The following EIF4ENIF1 variants were observed in gnomAD, a reference collection of about 807,000 sequenced individuals.
EIF4ENIF1 encodes the protein eukaryotic translation initiation factor 4E nuclear import factor 1, also known as eukaryotic translation initiation factor 4E transporter.
In EIF4ENIF1, 23 loss-of-function variants were observed where a neutral mutation model predicts 110.5. The observed-to-expected ratio is 0.21, with a 90% CI of 0.15 to 0.29. The LOEUF is 0.29. Among genes scored for constraint, EIF4ENIF1 ranks in the 10% least tolerant of loss-of-function variants. The pLI is 1.00. For synonymous variants in EIF4ENIF1, 440 were observed against 437.0 expected (o/e 1.01, Z -0.09); for missense variants, 1,031 against 1,221.1 (o/e 0.84, Z 2.32).
rs1016857144 is a variant in EIF4ENIF1, at chr22:31,449,510, G to C, written c.1606C>G (p.Gln536Glu). Residue 536 changes from glutamine to glutamate, a missense_variant, in exon 12 of 19, where the codon CAG becomes GAG. Physicochemically the swap from Gln to Glu is conservative, Grantham distance 29. This residue lies in a region of EIF4ENIF1 where 704 missense variants were observed against 879.7 expected (regional missense o/e 0.80). Coordinates refer to ENST00000330125, the MANE Select transcript of EIF4ENIF1 (RefSeq NM_019843.4). The stretch of plus-strand genomic sequence containing the variant: ...AGAAGATTGGAAGAAGCAGGTCTCT[G>C]AACTGGTTGACCCAGAAGTTCCTAA... ...ILQELLGQPV[Q>E]RPASSNLLSG... 3.1e-6 allele frequency: 5 copies of C among 1,613,500 alleles called. No homozygotes were observed. The highest frequency in any genetic ancestry group is 4.2e-6 in the Non-Finnish European group (5 of 1,179,866).
intron 16 of EIF4ENIF1, 36 bp downstream of exon 16, chr22:31,442,926 C>T (rs760258223): frequency 1.9e-6 from 3 of 1,608,372 alleles, no homozygotes; most frequent in South Asian, 2.2e-5. Context: ...CCATCACATA[C>T]TTTCTTGAGC....
chr22:31,468,419 G>C, intron 3 of EIF4ENIF1, 117 bp from the exon 4 acceptor site: 1 of 1,440,936 alleles, frequency 6.9e-7, no homozygotes. Context: ...TTTTGAGACA[G>C]GGTCTCGCTC....
upstream of EIF4ENIF1, among the ~76,000 whole-genome samples, chr22:31,492,445 C>G (rs2052293657): frequency 6.6e-6 from 1 of 152,206 alleles, no homozygotes; most frequent in African/African-American, 2.4e-5. Flanking sequence ...ATAGCTGGAA[C>G]TAATTTCCTG....
At chr22:31,442,260 A>T in intron 16 of EIF4ENIF1, 142 bp from the exon 17 acceptor site, 2 of 671,792 alleles carry the variant, frequency 3.0e-6, no homozygotes, top group South Asian at 4.0e-5. Flanking sequence ...CACGGTAGGA[A>T]CCATCGTTTG....
intron 7 of EIF4ENIF1, among the ~76,000 whole-genome samples, chr22:31,456,836 G>A (rs1210327045): frequency 6.6e-6 from 1 of 152,134 alleles, no homozygotes; most frequent in East Asian, 1.9e-4. Flanking sequence ...ATAAAGCAAA[G>A]CCTCTATGCT....
At chr22:31,440,203 G>GA (rs750276515) in intron 18 of EIF4ENIF1, 82 bp from the exon 19 acceptor site, 1 of 1,598,520 alleles carries the variant, frequency 6.3e-7, no homozygotes, top group Non-Finnish European at 8.5e-7. Flanking sequence ...CCTATCCAAA[G>GA]AAAAGTCTTT....
chr22:31,458,582 C>T lies in EIF4ENIF1; in HGVS notation c.856G>A (p.Ala286Thr). 6.2e-7 allele frequency: 1 copy of T among 1,613,802 alleles called. No homozygotes were observed. Among genetic ancestry groups the T allele is most frequent in the Non-Finnish European group, 8.5e-7 (1 of 1,179,830 alleles). Reference sequence around the variant, plus strand: ...TCCCTTGGCACTTCCTGATCAGCCGCAGGCTCCTGTGCAAGGATGACCTCC... The same window carrying T: ...TCCCTTGGCACTTCCTGATCAGCCGTAGGCTCCTGTGCAAGGATGACCTCC... ...EVEVILAQEP[A>T]ADQEVPRDAV... The change falls in exon 7 of 19, where the codon GCG (alanine) becomes ACG (threonine). Residue 286 changes from alanine (A) to threonine (T), a missense_variant. Transcript: ENST00000330125.
intron 1 of EIF4ENIF1, chr22:31,489,429 C>T (rs1168364523): frequency 6.6e-6 from 1 of 152,064 alleles, no homozygotes; most frequent in Non-Finnish European, 1.5e-5. Flanking sequence ...GAGGCCGAAT[C>T]TCCCGGCCCG....
intron 2 of EIF4ENIF1, among the ~76,000 whole-genome samples, chr22:31,478,214 G>A (rs762539861): frequency 6.6e-6 from 1 of 152,132 alleles, no homozygotes; most frequent in Non-Finnish European, 1.5e-5. Context: ...GAAACCATGA[G>A]CTAAGTCAAT....
chr22:31,464,720 ATATAT>A (rs2051127374), intron 4 of EIF4ENIF1, among the ~76,000 whole-genome samples: 5 of 109,216 alleles, frequency 4.6e-5, no homozygotes, highest in African/African-American at 1.4e-4. Flanking sequence ...ATATATATAT[ATATAT>A]AAACAGATAT....
At chr22:31,460,812 G>A (rs1223211243) in intron 6 of EIF4ENIF1, among the ~76,000 whole-genome samples, 2 of 152,020 alleles carry the variant, frequency 1.3e-5, no homozygotes, top group African/African-American at 2.4e-5. Context: ...TGGGCGTGGT[G>A]GTGGGCGCCT....
At chr22:31,446,049 G>A (rs2050463664) in intron 14 of EIF4ENIF1, among the ~76,000 whole-genome samples, 1 of 149,340 alleles carries the variant, frequency 6.7e-6, no homozygotes, top group Non-Finnish European at 1.5e-5. Context: ...CAGCACTTTG[G>A]GGACCGAAGC....
At position 31,463,357 on chromosome 22, in the gene EIF4ENIF1, C is replaced by CA. The variant is rs2051060423; in HGVS notation, c.586-225dup. On this transcript the variant is annotated intron_variant, in intron 5 of 18. Transcript: ENST00000330125. The stretch of plus-strand genomic sequence containing the variant: ...ATAAAAAAAGTGAATATCAAGTCCC[C>CA]AAGCACATGAACTACCAAAGAATCT... Among the ~76,000 whole-genome samples, 9 of 152,094 alleles carry CA rather than the reference C, an allele frequency of 5.9e-5. No individual in the cohort carries two copies. In the South Asian group the frequency reaches 1.9e-3, roughly 32 times the overall value.
intron 5 of EIF4ENIF1, 115 bp downstream of exon 5, chr22:31,463,566 C>T: frequency 1.9e-6 from 2 of 1,073,054 alleles, no homozygotes; most frequent in Non-Finnish European, 2.6e-6. Context: ...CCTATAATCC[C>T]AGATACTGGG....
intron 3 of EIF4ENIF1, among the ~76,000 whole-genome samples, chr22:31,470,554 C>T (rs2051339599): frequency 6.6e-6 from 1 of 152,096 alleles, no homozygotes; most frequent in Non-Finnish European, 1.5e-5. Context: ...GCTGGGATTA[C>T]AGGTGTGAGC....
chr22:31,446,873 G>T (rs1012176900), intron 14 of EIF4ENIF1: 21 of 275,194 alleles, frequency 7.6e-5, no homozygotes, highest in Non-Finnish European at 1.4e-4. Context: ...ACCATTTGTT[G>T]CAACTATCGA....
At chr22:31,470,531 G>A (rs943803897) in intron 3 of EIF4ENIF1, among the ~76,000 whole-genome samples, 3 of 151,952 alleles carry the variant, frequency 2.0e-5, no homozygotes, top group Admixed American at 1.3e-4. Flanking sequence ...TGCCCGCCCT[G>A]GCCTCCCAAA....
At chr22:31,442,835 CAT>C in intron 16 of EIF4ENIF1, 125 bp downstream of exon 16, 1 of 1,248,168 alleles carries the variant, frequency 8.0e-7, no homozygotes, top group East Asian at 2.4e-5. Flanking sequence ...GACACAGAAC[CAT>C]AGTCCAGAGA....
At chr22:31,458,073 C>A (rs1185483818) in intron 7 of EIF4ENIF1, among the ~76,000 whole-genome samples, 1 of 151,834 alleles carries the variant, frequency 6.6e-6, no homozygotes, top group Admixed American at 6.6e-5. Flanking sequence ...ACTAAAAATA[C>A]AAAAATTAGC....
Sources: gnomAD v4.1 joint callset for allele counts (sites outside exome capture counted in the v4.1 genomes callset) on GRCh38, gnomAD v4.1.1 for gene constraint, gnomAD v4.1.1 regional missense constraint, MANE v1.5 for transcripts, NCBI Gene and HGNC (gene_info 2026-07-23, HGNC 2026-07-21) for gene names.